Variants in ATP2B4 observed in about 807,000 individuals in gnomAD.
The protein encoded by ATP2B4 is ATPase plasma membrane Ca2+ transporting 4.
A neutral mutation model predicts 110.3 loss-of-function variants in ATP2B4; 39 were observed. That is an observed-to-expected ratio of 0.35 (90% CI 0.27 to 0.46). The LOEUF (loss-of-function observed/expected upper bound fraction) is 0.46. Ranked by LOEUF, ATP2B4 falls within the 20% of genes least tolerant of loss-of-function variation. The probability of loss-of-function intolerance (pLI) is 1.00; values close to 1 mark genes in which losing one functional copy is unlikely to be tolerated. For missense variants in ATP2B4, 1,135 were observed against 1,530.9 expected, an observed-to-expected ratio of 0.74 and a Z score of 4.32; for synonymous variants, 538 against 571.7, an observed-to-expected ratio of 0.94 and a Z score of 0.84.
At chr1:203,635,251 G>A (rs1351822609) in intron 1 of ATP2B4, among the ~76,000 whole-genome samples, 3 of 152,130 alleles carry the variant, frequency 2.0e-5, no homozygotes, top group Non-Finnish European at 1.5e-5. Context: ...TGGGATTGCA[G>A]GTTTGAGCTA....
At chr1:203,726,224 G>A (rs188975121) in intron 19 of ATP2B4, among the ~76,000 whole-genome samples, 25 of 151,900 alleles carry the variant, frequency 1.6e-4, no homozygotes, top group African/African-American at 5.3e-4. Context: ...ACAAGAGTGA[G>A]ACTCTATGTC....
At chr1:203,703,366 G>T (rs1210583564) in intron 7 of ATP2B4, among the ~76,000 whole-genome samples, 1 of 152,144 alleles carries the variant, frequency 6.6e-6, no homozygotes, top group Non-Finnish European at 1.5e-5. Flanking sequence ...AATAAACCTA[G>T]CTTGGGACTC....
At chr1:203,657,780 C>T (rs1048783388) in intron 1 of ATP2B4, 3 of 623,216 alleles carry the variant, frequency 4.8e-6, no homozygotes, top group Non-Finnish European at 8.6e-6. Context: ...CGCAGAACCA[C>T]CAGGAGTAGC....
At chr1:203,658,404 G>A (rs1023169336) in intron 1 of ATP2B4, among the ~76,000 whole-genome samples, 7 of 151,350 alleles carry the variant, frequency 4.6e-5, no homozygotes, top group Non-Finnish European at 1.0e-4. Context: ...GATGATGCAG[G>A]CCTGTAGTCC....
chr1:203,628,666 C>T (rs1663164333), intron 1 of ATP2B4, among the ~76,000 whole-genome samples: 1 of 152,130 alleles, frequency 6.6e-6, no homozygotes, highest in African/African-American at 2.4e-5. Context: ...GCCCCTTCTC[C>T]ACGCGCTTCC....
chr1:203,658,202 G>A (rs1177228466), intron 1 of ATP2B4, among the ~76,000 whole-genome samples: 1 of 152,038 alleles, frequency 6.6e-6, no homozygotes, highest in Non-Finnish European at 1.5e-5. Flanking sequence ...AGGTATGCCT[G>A]TACTAAAAGG....
chr1:203,718,863 G>A (rs1015641660), intron 15 of ATP2B4, among the ~76,000 whole-genome samples: 8 of 152,112 alleles, frequency 5.3e-5, no homozygotes, highest in Admixed American at 5.2e-4. Context: ...ATTTGTCTGT[G>A]TGTGTGCAGT....
intron 1 of ATP2B4, among the ~76,000 whole-genome samples, chr1:203,656,679 C>T (rs1558018555): frequency 1.3e-5 from 2 of 152,260 alleles, no homozygotes; most frequent in South Asian, 2.1e-4. Flanking sequence ...GCATTTTCAA[C>T]GGAACTGGTG....
At position 203,733,405 on chromosome 1, in the gene ATP2B4, G is replaced by GTGA. The variant is rs573225950; in HGVS notation, c.3309+5836_3309+5838dup. On this transcript the variant is annotated intron_variant, in intron 20 of 20. Coordinates refer to ENST00000357681, the MANE Select transcript of ATP2B4 (RefSeq NM_001684.5). Reference sequence around the variant, plus strand: ...TTTCATCTCCTCCTATGGGCAGTGAGTGATAGTCTATTATGATGCATGATT... The same window carrying GTGA: ...TTTCATCTCCTCCTATGGGCAGTGAGTGATGATAGTCTATTATGATGCATGATT... 1.2e-4 allele frequency: 186 copies of GTGA among 1,611,622 alleles called. 2 individuals are homozygous for GTGA. The South Asian group carries it at 1.8e-3, about 16-fold the overall frequency.
chr1:203,683,957 C>G (rs1355961022), intron 2 of ATP2B4, among the ~76,000 whole-genome samples: 1 of 151,786 alleles, frequency 6.6e-6, no homozygotes, highest in East Asian at 1.9e-4. Flanking sequence ...ATTACAGGCA[C>G]AGTGAGCCAC....
At chr1:203,728,133 A>G (rs1421825293) in intron 20 of ATP2B4, 3 of 450,596 alleles carry the variant, frequency 6.7e-6, no homozygotes, top group Non-Finnish European at 9.1e-6. Context: ...AAATGACAAT[A>G]GTCTCTTGAT....
chr1:203,735,002 C>CAAAAAAAAAAAA (rs35552196), intron 20 of ATP2B4, among the ~76,000 whole-genome samples: 8 of 57,122 alleles, frequency 1.4e-4, no homozygotes, highest in Admixed American at 2.8e-4. Context: ...GACTCCATCT[C>CAAAAAAAAAAAA]AAAAAAAAAA....
rs1664384749 is a variant in ATP2B4, at chr1:203,662,749, A to G, written c.-464-19993A>G. Reference sequence around the variant, plus strand: ...TTTTTAAATCACATTTTTTGGGTATATCATAATTTGCAGTAATATGAAGAG... The same window carrying G: ...TTTTTAAATCACATTTTTTGGGTATGTCATAATTTGCAGTAATATGAAGAG... On this transcript the variant is annotated intron_variant, in intron 1 of 20. Coordinates refer to ENST00000357681, the MANE Select transcript of ATP2B4 (RefSeq NM_001684.5). Among the ~76,000 whole-genome samples, 4 of 152,248 alleles carry G rather than the reference A, an allele frequency of 2.6e-5. No individual in the cohort carries two copies. The South Asian group carries it at 8.3e-4, about 32-fold the overall frequency.
intron 20 of ATP2B4, chr1:203,733,254 C>T: frequency 6.2e-7 from 1 of 1,613,350 alleles, no homozygotes; most frequent in South Asian, 1.1e-5. Context: ...CAGACGGGAG[C>T]CTCTTTTAAG....
intron 20 of ATP2B4, among the ~76,000 whole-genome samples, chr1:203,736,475 A>ACC (rs1666882137): frequency 4.0e-5 from 6 of 149,550 alleles, no homozygotes; most frequent in Admixed American, 2.0e-4. Flanking sequence ...TCCCCCCCAA[A>ACC]AAAAAAAAAG....
At chr1:203,724,943 C>A (rs1666464422) in intron 19 of ATP2B4, among the ~76,000 whole-genome samples, 1 of 132,990 alleles carries the variant, frequency 7.5e-6, no homozygotes, top group Non-Finnish European at 1.5e-5. Flanking sequence ...GTTGTGTGAT[C>A]TCGGCTCACT....
chr1:203,711,184 G>A (rs1308049193), intron 12 of ATP2B4, 76 bp downstream of exon 12: 18 of 1,414,540 alleles, frequency 1.3e-5, no homozygotes, highest in Non-Finnish European at 1.8e-5. Context: ...ACCCCAGGCA[G>A]GTAACCTAAC....
chr1:203,676,898 AAAGTTTAC>A (rs1406112172), intron 1 of ATP2B4, among the ~76,000 whole-genome samples: 2 of 152,168 alleles, frequency 1.3e-5, no homozygotes, highest in East Asian at 3.9e-4. Context: ...GCCTTCCCAG[AAAGTTTAC>A]AAGAGGTAGA....
chr1:203,733,379 G>C (rs1167057273), intron 20 of ATP2B4: 1 of 1,613,846 alleles, frequency 6.2e-7, no homozygotes. Flanking sequence ...TGTTCCTGCT[G>C]TTTCATCTCC....
Sources: gnomAD v4.1 joint callset for allele counts (sites outside exome capture counted in the v4.1 genomes callset) on GRCh38, gnomAD v4.1.1 for gene constraint, MANE v1.5 for transcripts, NCBI Gene and HGNC (gene_info 2026-07-23, HGNC 2026-07-21) for gene names.